Variants in CCDC148 observed in about 807,000 individuals in gnomAD.
CCDC148 encodes coiled-coil domain-containing protein 148.
CCDC148 carries 89 observed loss-of-function variants against 85.7 expected under a neutral mutation model. That is an observed-to-expected ratio of 1.04 (90% CI 0.87 to 1.24). The LOEUF is 1.24. CCDC148 is among the 50% of genes most tolerant of loss of function. The pLI is 0.00. For synonymous variants in CCDC148, 230 were observed against 213.9 expected, an observed-to-expected ratio of 1.08 and a Z score of -0.66; for missense variants, 692 against 671.7, an observed-to-expected ratio of 1.03 and a Z score of -0.33.
Position 158,179,070 on chromosome 2 carries a change from G to A in CCDC148, c.1371-74C>T, listed in dbSNP as rs1684741184. On this transcript the variant is annotated intron_variant, in intron 11 of 13. Transcript: ENST00000283233. ...GGAGATTGTACAGAAAACAGCATAG[G>A]GGCAGAACACATCTCAGAGGTAACA... 4.6e-6 allele frequency: 5 copies of A among 1,086,664 alleles called. No individual in the cohort carries two copies. The South Asian group carries it at 6.8e-5, about 15-fold the overall frequency. The allele number at this position is 1,086,664 out of a possible 1,614,324, so 67.3% of individuals were successfully genotyped here.
At chr2:158,327,675 TAAATTC>T (rs1043653750) in intron 7 of CCDC148, among the ~76,000 whole-genome samples, 1 of 152,214 alleles carries the variant, frequency 6.6e-6, no homozygotes, top group African/African-American at 2.4e-5. Flanking sequence ...AGAATTCTCC[TAAATTC>T]AAATTCAGAT....
intron 11 of CCDC148, among the ~76,000 whole-genome samples, chr2:158,188,596 GATGGATT>G (rs1212935656): frequency 4.0e-5 from 6 of 151,814 alleles, no homozygotes; most frequent in African/African-American, 7.3e-5. Flanking sequence ...ATTAACTCAA[GATGGATT>G]AAAAGCTTAA....
At chr2:158,250,640 A>G in intron 10 of CCDC148, 132 bp downstream of exon 10, 1 of 1,291,946 alleles carries the variant, frequency 7.7e-7, no homozygotes, top group South Asian at 2.0e-5. Context: ...ATTAGATAAA[A>G]CATTCCACTA....
At chr2:158,296,434 A>AT (rs374571438) in intron 9 of CCDC148, among the ~76,000 whole-genome samples, 2 of 152,034 alleles carry the variant, frequency 1.3e-5, no homozygotes, top group African/African-American at 4.8e-5. Flanking sequence ...ACATGTTTAC[A>AT]TTTTTTTAAT....
At chr2:158,331,038 C>T (rs570412987) in intron 7 of CCDC148, among the ~76,000 whole-genome samples, 295 of 152,032 alleles carry the variant, frequency 1.9e-3, no homozygotes, top group African/African-American at 6.7e-3. Context: ...CGTTATTTCT[C>T]GCCTTCTGCT....
chr2:158,456,543 T>C lies in CCDC148; in HGVS notation c.-104A>G. On this transcript the variant is annotated 5_prime_UTR_variant, in exon 1 of 14. Transcript: ENST00000283233. Reference sequence around the variant, plus strand: ...TCAGGGGTACATCTAAGGGCTCAGCTGTTCCTACCTTTGACGCCAGGGACA... The same window carrying C: ...TCAGGGGTACATCTAAGGGCTCAGCCGTTCCTACCTTTGACGCCAGGGACA... The C allele has an allele frequency of 1.4e-6, 2 of 1,415,834 alleles. No homozygotes were observed. Among genetic ancestry groups the C allele is most frequent in the Non-Finnish European group, 1.9e-6 (2 of 1,049,214 alleles). 87.7% of individuals were successfully genotyped at this position (1,415,834 alleles called of 1,614,324 possible). A position where few individuals can be genotyped will look rare whatever the true frequency, so the allele number is the denominator to read the frequency against.
intron 9 of CCDC148, among the ~76,000 whole-genome samples, chr2:158,281,626 C>A (rs1039791796): frequency 6.6e-6 from 1 of 152,096 alleles, no homozygotes; most frequent in Non-Finnish European, 1.5e-5. Context: ...GAAATTGTGG[C>A]AATAATCAAC....
intron 1 of CCDC148, among the ~76,000 whole-genome samples, chr2:158,453,670 G>A (rs752733016): frequency 5.3e-5 from 8 of 152,106 alleles, no homozygotes; most frequent in Admixed American, 6.5e-5. Flanking sequence ...CCTCTGCTAT[G>A]CTTCTTAGGG....
chr2:158,438,396 T>C (rs1293316217), intron 1 of CCDC148, among the ~76,000 whole-genome samples: 3 of 152,134 alleles, frequency 2.0e-5, no homozygotes, highest in Non-Finnish European at 4.4e-5. Flanking sequence ...ATTTAATAAA[T>C]GGTGCTGCAA....
intron 7 of CCDC148, among the ~76,000 whole-genome samples, chr2:158,318,978 A>G (rs1453296731): frequency 6.6e-6 from 1 of 152,078 alleles, no homozygotes; most frequent in African/African-American, 2.4e-5. Flanking sequence ...TCTGTTGCCT[A>G]GGCTGGTCTT....
At chr2:158,190,529 A>T (rs886686325) in intron 11 of CCDC148, among the ~76,000 whole-genome samples, 2 of 152,040 alleles carry the variant, frequency 1.3e-5, no homozygotes, top group South Asian at 4.1e-4. Flanking sequence ...ACTTGCCATC[A>T]TATGAACTCA....
chr2:158,277,656 G>C (rs1690019175), intron 9 of CCDC148, among the ~76,000 whole-genome samples: 2 of 151,966 alleles, frequency 1.3e-5, no homozygotes, highest in African/African-American at 2.4e-5. Context: ...GAGTGCAGTG[G>C]CGTGATCTCG....
At chr2:158,352,327 A>T (rs1176065762) in intron 2 of CCDC148, among the ~76,000 whole-genome samples, 1 of 152,002 alleles carries the variant, frequency 6.6e-6, no homozygotes, top group East Asian at 1.9e-4. Context: ...GAAAACTTTG[A>T]AAAAAATTTA....
intron 11 of CCDC148, 119 bp downstream of exon 11, chr2:158,220,476 A>G (rs1230798328): frequency 1.5e-6 from 1 of 667,900 alleles, no homozygotes; most frequent in Non-Finnish European, 2.6e-6. Flanking sequence ...GTGAATATAA[A>G]TATTGAAAGG....
intron 1 of CCDC148, among the ~76,000 whole-genome samples, chr2:158,420,334 G>A (rs115175162): frequency 0.047 from 7,098 of 152,100 alleles, 251 homozygotes; most frequent in Non-Finnish European, 0.063. Flanking sequence ...GGGCAGCCAG[G>A]GAGAAAGGTC....
At chr2:158,396,115 G>A (rs968422074) in intron 1 of CCDC148, among the ~76,000 whole-genome samples, 2 of 151,990 alleles carry the variant, frequency 1.3e-5, no homozygotes, top group Non-Finnish European at 2.9e-5. Context: ...CCTGAGAGAG[G>A]TAACACATCA....
intron 1 of CCDC148, among the ~76,000 whole-genome samples, chr2:158,406,613 C>CTTTTTTTTTCTTTTTTTTTTTTT (rs1559124447): frequency 6.4e-5 from 2 of 31,446 alleles, no homozygotes; most frequent in Non-Finnish European, 6.5e-5. Context: ...GATTAAATTT[C>CTTTTTTTTTCTTTTTTTTTTTTT]TTTTTTTTTT....
At chr2:158,443,166 C>CA (rs1269270051) in intron 1 of CCDC148, among the ~76,000 whole-genome samples, 178 of 145,166 alleles carry the variant, frequency 1.2e-3, no homozygotes, top group African/African-American at 3.6e-3. Context: ...ATATCTTGAA[C>CA]AAAAAAAAAC....
rs1690488606 is a variant in CCDC148 at position 158,284,046 on chromosome 2, T to C, written c.1110+25387A>G. On this transcript the variant is annotated intron_variant, in intron 9 of 13. Coordinates refer to ENST00000283233, the MANE Select transcript of CCDC148 (RefSeq NM_138803.4). ...TAAGAACAAAAAACCAAACACCGCA[T>C]ATTCTCACTCATACGTGGGAATTGA... Among the ~76,000 whole-genome samples, 3 of 146,534 alleles carry C rather than the reference T, an allele frequency of 2.0e-5. No individual in the cohort carries two copies. The South Asian group carries it at 6.5e-4, about 32-fold the overall frequency.
Sources: allele counts gnomAD v4.1 joint callset (sites outside exome capture counted in the v4.1 genomes callset), GRCh38; gene constraint gnomAD v4.1.1; transcripts MANE v1.5; gene names NCBI Gene and HGNC (gene_info 2026-07-23, HGNC 2026-07-21).